CFAP54: variants seen among roughly 807,000 people sequenced by gnomAD.
CFAP54 encodes the protein cilia- and flagella-associated protein 54.
CFAP54 carries 290 observed loss-of-function variants against 370.4 expected under a neutral mutation model. The ratio of observed to expected loss-of-function variants is 0.78; its 90% CI spans 0.71 to 0.86. The LOEUF is 0.86. Ranked by LOEUF, CFAP54 falls within the 40% of genes least tolerant of loss-of-function variation. The pLI is 0.00. For missense variants in CFAP54, 3,399 were observed against 3,528.7 expected (o/e 0.96, Z 0.93); for synonymous variants, 1,206 against 1,236.5 (o/e 0.98, Z 0.52).
intron 50 of CFAP54, among the ~76,000 whole-genome samples, chr12:96,732,652 T>C (rs956586302): frequency 1.6e-4 from 24 of 152,234 alleles, no homozygotes; most frequent in Admixed American, 3.9e-4. Context: ...GGAGCTCTTT[T>C]GGGTTCTCAA....
chr12:96,627,937 T>C (rs1313748487), intron 30 of CFAP54, among the ~76,000 whole-genome samples: 1 of 152,240 alleles, frequency 6.6e-6, no homozygotes, highest in African/African-American at 2.4e-5. Flanking sequence ...TATAAGATTA[T>C]AATACTGTAT....
chr12:96,778,376 A>G (rs963764050), intron 60 of CFAP54, among the ~76,000 whole-genome samples: 1 of 152,208 alleles, frequency 6.6e-6, no homozygotes, highest in African/African-American at 2.4e-5. Context: ...GGCTCATCAC[A>G]TATAGGTTTA....
chr12:96,494,923 C>G (rs1954932260), intron 1 of CFAP54, among the ~76,000 whole-genome samples: 2 of 152,084 alleles, frequency 1.3e-5, no homozygotes, highest in African/African-American at 4.8e-5. Context: ...GACGGAGTTT[C>G]ACCATGTTGG....
At chr12:96,826,829 TAATA>T (rs1959117030) in intron 65 of CFAP54, among the ~76,000 whole-genome samples, 1 of 115,836 alleles carries the variant, frequency 8.6e-6, no homozygotes, top group Non-Finnish European at 1.6e-5. Flanking sequence ...ATATATTATA[TAATA>T]TATCATATAA....
rs753373323 is a variant in CFAP54 at position 96,576,728 on chromosome 12, A to G, written c.2763A>G (p.Thr921=). The G allele has an allele frequency of 5.9e-6, 9 of 1,535,616 alleles. No individual in the cohort carries two copies. The highest frequency in any genetic ancestry group is 7.8e-6 in the Non-Finnish European group (9 of 1,146,642). The change falls in exon 20 of 68, where the codon ACA becomes ACG. Residue 921 remains threonine (T), a synonymous_variant. Transcript: ENST00000524981. ...ILLSRTHCSV[T]LKPAPFTSEV... is the part of the protein sequence containing the mutation. ...TGTCTCGAACTCATTGTTCTGTGAC[A>G]CTCAAACCTGCTCCATTTACTTCAG... is the stretch of plus-strand genomic sequence containing the variant.
At chr12:96,708,914 C>T (rs1226344812) in intron 48 of CFAP54, 111 bp downstream of exon 48, 1 of 827,744 alleles carries the variant, frequency 1.2e-6, no homozygotes. Flanking sequence ...CCACAGTTTT[C>T]TCTATGCTTA....
At chr12:96,538,351 C>G in intron 12 of CFAP54, 33 bp from the exon 13 acceptor site, 2 of 1,492,330 alleles carry the variant, frequency 1.3e-6, no homozygotes, top group Non-Finnish European at 1.8e-6. Flanking sequence ...TTTTATTATT[C>G]CTACTCATTT....
chr12:96,831,668 A>C (rs1220113001), intron 66 of CFAP54, among the ~76,000 whole-genome samples: 3 of 152,170 alleles, frequency 2.0e-5, no homozygotes, highest in Non-Finnish European at 4.4e-5. Flanking sequence ...CTGAAATATT[A>C]TACTGTATTT....
chr12:96,849,605 T>G (rs980610436), intron 66 of CFAP54, among the ~76,000 whole-genome samples: 1 of 152,216 alleles, frequency 6.6e-6, no homozygotes. Context: ...TAATAAAATC[T>G]TTATTATGAT....
chr12:96,641,089 A>G (rs1439857398), intron 32 of CFAP54, among the ~76,000 whole-genome samples: 1 of 152,204 alleles, frequency 6.6e-6, no homozygotes, highest in African/African-American at 2.4e-5. Context: ...ATCTAATTAA[A>G]CTAAAGAGCT....
intron 4 of CFAP54, among the ~76,000 whole-genome samples, chr12:96,511,012 C>T (rs1372352074): frequency 6.8e-6 from 1 of 147,860 alleles, no homozygotes; most frequent in African/African-American, 2.5e-5. Context: ...TAGAGGTCAA[C>T]AAAGCCTCGT....
chr12:96,589,363 A>T, intron 22 of CFAP54, 64 bp from the exon 23 acceptor site: 3 of 1,280,858 alleles, frequency 2.3e-6, no homozygotes, highest in Non-Finnish European at 3.2e-6. Flanking sequence ...TATTTTAAGA[A>T]TTATTGTTTA....
intron 60 of CFAP54, among the ~76,000 whole-genome samples, chr12:96,777,324 C>T (rs1958527151): frequency 1.3e-5 from 2 of 151,310 alleles, no homozygotes; most frequent in South Asian, 4.2e-4. Flanking sequence ...ACATTAACAA[C>T]TTTTACTGCT....
chr12:96,580,858 A>G, intron 21 of CFAP54, 62 bp from the exon 22 acceptor site: 1 of 1,254,770 alleles, frequency 8.0e-7, no homozygotes, highest in Non-Finnish European at 1.1e-6. Context: ...ACTTAATTGT[A>G]TTTTAAAAGT....
chr12:96,604,409 G>T (rs1209103553), intron 26 of CFAP54, among the ~76,000 whole-genome samples: 1 of 152,184 alleles, frequency 6.6e-6, no homozygotes, highest in Non-Finnish European at 1.5e-5. Context: ...GTTACACAGG[G>T]GTCAGGGACC....
chr12:96,502,866 C>T (rs1955046372), intron 2 of CFAP54, among the ~76,000 whole-genome samples: 1 of 152,214 alleles, frequency 6.6e-6, no homozygotes, highest in African/African-American at 2.4e-5. Flanking sequence ...GAATAAAAAT[C>T]CCACTGCTCA....
At position 96,504,132 on chromosome 12, in the gene CFAP54, C is replaced by T. The variant is rs143428857; in HGVS notation, c.567+103C>T. Reference sequence around the variant, plus strand: ...ATGTCTTGTTGGCTTAGCATAGCATCTAGCTGTGTGCTATAAGTTGCTTAA... The same window carrying T: ...ATGTCTTGTTGGCTTAGCATAGCATTTAGCTGTGTGCTATAAGTTGCTTAA... On this transcript the variant is annotated intron_variant, in intron 3 of 67. Transcript: ENST00000524981. 4.5e-6 allele frequency: 5 copies of T among 1,102,598 alleles called. No homozygotes were observed. The African/African-American group carries it at 4.8e-5, about 11-fold the overall frequency. 68.3% of individuals were successfully genotyped at this position (1,102,598 alleles called of 1,614,324 possible). A position where few individuals can be genotyped will look rare whatever the true frequency, so the allele number is the denominator to read the frequency against.
intron 20 of CFAP54, among the ~76,000 whole-genome samples, chr12:96,579,382 C>T (rs541085126): frequency 6.6e-6 from 1 of 152,226 alleles, no homozygotes; most frequent in East Asian, 1.9e-4. Context: ...GCTTGGGTAT[C>T]TGTAATTTAC....
intron 40 of CFAP54, among the ~76,000 whole-genome samples, chr12:96,683,641 G>T (rs1038870081): frequency 6.6e-6 from 1 of 152,116 alleles, no homozygotes; most frequent in Non-Finnish European, 1.5e-5. Flanking sequence ...TGCCCCCATT[G>T]TGACATCTAG....
Sources: allele counts gnomAD v4.1 joint callset (sites outside exome capture counted in the v4.1 genomes callset), GRCh38; gene constraint gnomAD v4.1.1; transcripts MANE v1.5; gene names NCBI Gene and HGNC (gene_info 2026-07-23, HGNC 2026-07-21).